DPP8: variants seen among roughly 807,000 people sequenced by gnomAD.
DPP8 encodes the protein DPP VIII.
In DPP8, 31 loss-of-function variants were observed where a neutral mutation model predicts 107.5. The observed-to-expected ratio is 0.29, with a 90% CI of 0.22 to 0.39. DPP8 has a LOEUF of 0.39. Among genes scored for constraint, DPP8 ranks in the 10% least tolerant of loss-of-function variants. The probability of loss-of-function intolerance (pLI) is 1.00; values close to 1 mark genes in which losing one functional copy is unlikely to be tolerated. For missense variants in DPP8, 842 were observed against 1,076.1 expected (o/e 0.78, Z 3.04); for synonymous variants, 381 against 356.6 (o/e 1.07, Z -0.77).
chr15:65,448,722 A>C (rs1469772881), intron 19 of DPP8, among the ~76,000 whole-genome samples: 104 of 138,508 alleles, frequency 7.5e-4, no homozygotes, highest in Non-Finnish European at 1.0e-3. Context: ...ACATATATAT[A>C]TAAAATATAC....
intron 10 of DPP8, among the ~76,000 whole-genome samples, chr15:65,479,909 A>T (rs1041566035): frequency 6.6e-6 from 1 of 152,068 alleles, no homozygotes; most frequent in Non-Finnish European, 1.5e-5. Flanking sequence ...TTACCAACAT[A>T]AAAGAGAAAG....
intron 4 of DPP8, 70 bp downstream of exon 4, chr15:65,500,536 C>T: frequency 1.6e-6 from 2 of 1,256,270 alleles, no homozygotes; most frequent in Non-Finnish European, 2.3e-6. Flanking sequence ...TTATTAATTA[C>T]CTTTCTGCTT....
chr15:65,516,875 G>C (rs900405246), intron 1 of DPP8: 2 of 152,394 alleles, frequency 1.3e-5, no homozygotes, highest in African/African-American at 4.8e-5. Flanking sequence ...AGGCATAGCA[G>C]AGAATATTGA....
intron 5 of DPP8, 68 bp downstream of exon 5, chr15:65,497,796 A>ATT: frequency 8.0e-7 from 1 of 1,252,416 alleles, no homozygotes; most frequent in Non-Finnish European, 1.1e-6. Flanking sequence ...TAATTTCAAA[A>ATT]TGCAAGCAGC....
chr15:65,510,665 A>C (rs1479078722), intron 2 of DPP8, among the ~76,000 whole-genome samples: 1 of 152,174 alleles, frequency 6.6e-6, no homozygotes, highest in African/African-American at 2.4e-5. Flanking sequence ...CAGCCTCCCA[A>C]GTAGCTGGGA....
chr15:65,488,681 G>C (rs2456006), intron 6 of DPP8, among the ~76,000 whole-genome samples: 1 of 135,110 alleles, frequency 7.4e-6, no homozygotes, highest in East Asian at 2.2e-4. Context: ...TTACACATAA[G>C]AATAAGTATT....
intron 15 of DPP8, chr15:65,458,478 C>G (rs983266214): frequency 1.3e-5 from 2 of 152,140 alleles, no homozygotes; most frequent in African/African-American, 4.8e-5. Context: ...CCAGGCTGGT[C>G]TCAAACTCCT....
At chr15:65,462,724 C>G (rs973788195) in intron 15 of DPP8, among the ~76,000 whole-genome samples, 2 of 152,118 alleles carry the variant, frequency 1.3e-5, no homozygotes, top group African/African-American at 4.8e-5. Flanking sequence ...GGATTTTAGG[C>G]ACGCACTACC....
chr15:65,460,049 A>G (rs1361596772), intron 15 of DPP8, among the ~76,000 whole-genome samples: 2 of 152,224 alleles, frequency 1.3e-5, no homozygotes. Context: ...TTTTAAGCAT[A>G]CAATTCAATG....
At chr15:65,486,007 T>C (rs975465899) in intron 7 of DPP8, among the ~76,000 whole-genome samples, 7 of 150,630 alleles carry the variant, frequency 4.6e-5, no homozygotes, top group African/African-American at 7.3e-5. Flanking sequence ...GGCAGGAGAA[T>C]TGCTTGAACT....
chr15:65,491,112 CACA>C (rs1182590900), intron 5 of DPP8, among the ~76,000 whole-genome samples: 2 of 135,382 alleles, frequency 1.5e-5, no homozygotes, highest in African/African-American at 5.6e-5. Context: ...GAGCCAAGAT[CACA>C]ACACCACTCC....
At chr15:65,479,181 A>G in intron 10 of DPP8, 142 bp from the exon 11 acceptor site, 1 of 537,190 alleles carries the variant, frequency 1.9e-6, no homozygotes, top group Non-Finnish European at 3.0e-6. Context: ...ATTTACAGTA[A>G]TAAATTTTGC....
Position 65,443,204 on chromosome 15 carries a change from C to G in DPP8, c.*3680G>C, listed in dbSNP as rs555662658. The G allele has an allele frequency of 6.6e-6, 1 of 151,854 alleles. No homozygotes were observed. The highest frequency in any genetic ancestry group is 1.5e-5 in the Non-Finnish European group (1 of 67,944). 9.4% of individuals were successfully genotyped at this position (151,854 alleles called of 1,614,324 possible). A position where few individuals can be genotyped will look rare whatever the true frequency, so the allele number is the denominator to read the frequency against. ...AATAAATATTTCTTTAAAAATTTAC[C>G]TTTTCTATATATCATTTAACTACCA... On this transcript the variant is annotated 3_prime_UTR_variant, in exon 20 of 20. Transcript: ENST00000300141.
At chr15:65,482,192 T>C (rs2066993366) in intron 8 of DPP8, among the ~76,000 whole-genome samples, 1 of 151,582 alleles carries the variant, frequency 6.6e-6, no homozygotes, top group Admixed American at 6.6e-5. Context: ...TGTGTGCTTG[T>C]AATGAAATTA....
chr15:65,480,151 T>G, intron 10 of DPP8, 71 bp downstream of exon 10: 2 of 1,376,344 alleles, frequency 1.5e-6, no homozygotes, highest in Non-Finnish European at 2.0e-6. Context: ...ATTTTGATAG[T>G]TTGCTATATA....
rs11545072 is a variant in DPP8 at position 65,443,975 on chromosome 15, G to A, written c.*2909C>T. Reference sequence around the variant, plus strand: ...TCTGTCGCCCAGACTGGACTACAGTGGCGCCATCTCGGCTCACTGCAACTT... The same window carrying A: ...TCTGTCGCCCAGACTGGACTACAGTAGCGCCATCTCGGCTCACTGCAACTT... On this transcript the variant is annotated 3_prime_UTR_variant, in exon 20 of 20. Coordinates refer to ENST00000300141, the MANE Select transcript of DPP8 (RefSeq NM_130434.5). The A allele has an allele frequency of 0.22, 33,692 of 152,286 alleles. 4,708 individuals carry two copies. The highest frequency in any genetic ancestry group is 0.73 in the East Asian group (3,773 of 5,184). The allele number at this position is 152,286 out of a possible 1,614,324, so 9.4% of individuals were successfully genotyped here. A position where few individuals can be genotyped will look rare whatever the true frequency, so the allele number is the denominator to read the frequency against.
chr15:65,451,294 A>T (rs1182281538), intron 18 of DPP8, among the ~76,000 whole-genome samples, 184 bp from the exon 19 acceptor site: 2 of 152,208 alleles, frequency 1.3e-5, no homozygotes, highest in East Asian at 1.9e-4. Flanking sequence ...ATGAAGGATT[A>T]AAAAAAGATC....
At chr15:65,482,374 C>T (rs542238417) in intron 8 of DPP8, among the ~76,000 whole-genome samples, 11 of 152,056 alleles carry the variant, frequency 7.2e-5, no homozygotes, top group African/African-American at 1.9e-4. Context: ...CTCTGCCTCC[C>T]GGGTTTAAGT....
chr15:65,502,627 A>C (rs9745014), intron 3 of DPP8: 1 of 152,048 alleles, frequency 6.6e-6, no homozygotes, highest in East Asian at 1.9e-4. Flanking sequence ...GCAGTGAGCC[A>C]AGATCACGCC....
Sources: allele counts gnomAD v4.1 joint callset (sites outside exome capture counted in the v4.1 genomes callset), GRCh38; gene constraint gnomAD v4.1.1; transcripts MANE v1.5; gene names NCBI Gene and HGNC (gene_info 2026-07-23, HGNC 2026-07-21).